DNAH7: variants seen among roughly 807,000 people sequenced by gnomAD.
DNAH7 encodes the protein dynein axonemal heavy chain 7, also known as axonemal beta dynein heavy chain 7.
In DNAH7, 397 loss-of-function variants were observed where a neutral mutation model predicts 444.6. The observed-to-expected ratio is 0.89, with a 90% CI of 0.82 to 0.97. DNAH7 has a LOEUF of 0.97. DNAH7 is among the 50% of genes least tolerant of loss of function. The pLI is 0.00. For synonymous variants in DNAH7, 1,636 were observed against 1,624.4 expected, an observed-to-expected ratio of 1.01 and a Z score of -0.17; for missense variants, 4,902 against 4,800.8, an observed-to-expected ratio of 1.02 and a Z score of -0.62.
In DNAH7 at chr2:195,787,004, T is replaced by C; in HGVS notation, c.10878+6A>G. 2 of 1,561,236 alleles carry C rather than the reference T, an allele frequency of 1.3e-6. No homozygotes were observed. The highest frequency in any genetic ancestry group is 1.7e-6 in the Non-Finnish European group (2 of 1,158,506). On this transcript the variant is annotated splice_donor_region_variant and intron_variant, in intron 58 of 64. Transcript: ENST00000312428. ...GGTAATGTCCTTGCTGTGATTTTTA[T>C]GATACCTCATACTGGTTCAGGAACA...
chr2:195,967,267 CTTT>C (rs1691544098), intron 17 of DNAH7, among the ~76,000 whole-genome samples: 1 of 150,162 alleles, frequency 6.7e-6, no homozygotes, highest in Admixed American at 6.6e-5. Context: ...CATCCTCCTG[CTTT>C]TTAACTTTTT....
intron 1 of DNAH7, among the ~76,000 whole-genome samples, chr2:196,064,300 A>T (rs1338021011): frequency 2.0e-5 from 3 of 151,086 alleles, no homozygotes; most frequent in Non-Finnish European, 4.4e-5. Flanking sequence ...TAGGTGACAG[A>T]GTGAGACTCC....
At chr2:196,015,265 T>C (rs898812433) in intron 9 of DNAH7, among the ~76,000 whole-genome samples, 2 of 152,212 alleles carry the variant, frequency 1.3e-5, no homozygotes, top group East Asian at 1.9e-4. Flanking sequence ...TTTACATTTC[T>C]TGTATTATGA....
chr2:195,931,538 G>C (rs1345956263), intron 21 of DNAH7, among the ~76,000 whole-genome samples: 1 of 151,556 alleles, frequency 6.6e-6, no homozygotes, highest in Non-Finnish European at 1.5e-5. Flanking sequence ...TTTTCTTCTA[G>C]GGTTTTTATG....
chr2:195,754,321 C>T lies in DNAH7; in HGVS notation c.11764+16G>A. 2 of 1,605,806 alleles carry T rather than the reference C, an allele frequency of 1.2e-6. No individual in the cohort carries two copies. The highest frequency in any genetic ancestry group is 1.7e-6 in the Non-Finnish European group (2 of 1,174,724). ...GTGCCCAGATATGAGCCGACTCATT[C>T]TGTCCCTGCACTTACCATCCTCAGG... On this transcript the variant is annotated intron_variant, in intron 63 of 64. Transcript: ENST00000312428.
chr2:195,772,531 T>C (rs10178475), intron 60 of DNAH7, among the ~76,000 whole-genome samples: 76,340 of 151,586 alleles, frequency 0.5, 20,027 homozygotes, highest in Non-Finnish European at 0.6. Flanking sequence ...CTATATTTTC[T>C]GAAAAAAAAA....
At chr2:196,029,582 T>C (rs114732993) in intron 5 of DNAH7, among the ~76,000 whole-genome samples, 3,057 of 152,136 alleles carry the variant, frequency 0.02, 48 homozygotes, top group Non-Finnish European at 0.03. Flanking sequence ...GTTTCACATA[T>C]ATTATTTATA....
rs925341725 is a variant in DNAH7 at position 195,847,143 on chromosome 2, A to C, written c.8782-1978T>G. On this transcript the variant is annotated intron_variant, in intron 46 of 64. Transcript: ENST00000312428. ...GGATATATATATATCTTATATATATATCAGATATATACTTATATATATAAA... is the reference window on the plus strand; with the variant it reads ...GGATATATATATATCTTATATATATCTCAGATATATACTTATATATATAAA... Among the ~76,000 whole-genome samples the C allele has an allele frequency of 2.7e-5, 4 of 147,182 alleles. No homozygotes were observed. In the Admixed American group the frequency reaches 2.7e-4, roughly 10 times the overall value.
At chr2:195,869,537 A>T (rs1197376177) in intron 40 of DNAH7, among the ~76,000 whole-genome samples, 1 of 152,174 alleles carries the variant, frequency 6.6e-6, no homozygotes, top group African/African-American at 2.4e-5. Context: ...AGGACAGGAT[A>T]AGAAAGACTG....
At chr2:195,920,191 C>T (rs1687940038) in intron 24 of DNAH7, among the ~76,000 whole-genome samples, 1 of 151,954 alleles carries the variant, frequency 6.6e-6, no homozygotes, top group African/African-American at 2.4e-5. Flanking sequence ...GGTCATACTT[C>T]ACAGAACTAG....
chr2:195,751,973 A>G (rs1693823235), intron 63 of DNAH7, among the ~76,000 whole-genome samples: 4 of 152,178 alleles, frequency 2.6e-5, no homozygotes, highest in Admixed American at 2.6e-4. Context: ...AGAAGGCAAG[A>G]TAACAATGGT....
At chr2:195,921,271 A>G (rs991582148) in intron 24 of DNAH7, among the ~76,000 whole-genome samples, 4 of 152,080 alleles carry the variant, frequency 2.6e-5, no homozygotes, top group Admixed American at 2.6e-4. Flanking sequence ...AAATGTTTAC[A>G]GTAGCACAAT....
intron 12 of DNAH7, among the ~76,000 whole-genome samples, chr2:195,990,118 G>A (rs1693202070): frequency 6.6e-6 from 1 of 152,070 alleles, no homozygotes; most frequent in Non-Finnish European, 1.5e-5. Flanking sequence ...TGTTGCCTGT[G>A]TTTTTGAGGT....
chr2:196,058,522 T>C (rs147037393), intron 1 of DNAH7, among the ~76,000 whole-genome samples: 273 of 152,292 alleles, frequency 1.8e-3, no homozygotes, highest in African/African-American at 6.2e-3. Context: ...ATAATACATA[T>C]TCTAAAAATC....
chr2:195,786,913 G>A (rs1232919906), intron 58 of DNAH7, 97 bp downstream of exon 58: 8 of 1,262,568 alleles, frequency 6.3e-6, no homozygotes, highest in East Asian at 2.5e-5. Flanking sequence ...CATTTCATAA[G>A]AGTAGAAATT....
chr2:195,848,802 G>T (rs1699174766), intron 46 of DNAH7, among the ~76,000 whole-genome samples: 1 of 152,192 alleles, frequency 6.6e-6, no homozygotes, highest in Admixed American at 6.5e-5. Context: ...TGGTATCTGG[G>T]GGCCTCTGGA....
chr2:195,894,772 G>A (rs1363099836), intron 30 of DNAH7: 2 of 395,886 alleles, frequency 5.1e-6, no homozygotes, highest in East Asian at 4.2e-5. Flanking sequence ...GAAATAAAAG[G>A]TCGAAAGCAA....
chr2:196,067,497 T>C (rs112041430), intron 1 of DNAH7, among the ~76,000 whole-genome samples: 73 of 152,340 alleles, frequency 4.8e-4, no homozygotes, highest in African/African-American at 1.7e-3. Context: ...TCTTTTATTA[T>C]TAATACCAAT....
chr2:196,000,943 G>A, intron 11 of DNAH7, 60 bp from the exon 12 acceptor site: 3 of 1,353,326 alleles, frequency 2.2e-6, no homozygotes, highest in Non-Finnish European at 2.0e-6. Flanking sequence ...AGACTAAGTA[G>A]TACACCAGTC....
Sources: allele counts gnomAD v4.1 joint callset (sites outside exome capture counted in the v4.1 genomes callset), GRCh38; gene constraint gnomAD v4.1.1; transcripts MANE v1.5; gene names NCBI Gene and HGNC (gene_info 2026-07-23, HGNC 2026-07-21).